The following LYAR variants were observed in gnomAD, a reference collection of about 807,000 sequenced individuals.
The protein encoded by LYAR is Ly1 antibody reactive, also known as cell growth-regulating nucleolar protein.
LYAR carries 37 observed loss-of-function variants against 45.2 expected under a neutral mutation model. That is an observed-to-expected ratio of 0.82 (90% CI 0.63 to 1.08). LYAR has a LOEUF of 1.08. Ranked by LOEUF, LYAR falls within the 50% of genes least tolerant of loss-of-function variation. LYAR has a pLI of 0.00. For missense variants in LYAR, 493 were observed against 451.0 expected, an observed-to-expected ratio of 1.09 and a Z score of -0.84; for synonymous variants, 176 against 155.1, an observed-to-expected ratio of 1.14 and a Z score of -1.00.
intron 2 of LYAR, among the ~76,000 whole-genome samples, chr4:4,284,322 A>G (rs1719522388): frequency 6.6e-6 from 1 of 152,248 alleles, no homozygotes; most frequent in Non-Finnish European, 1.5e-5. Context: ...TACTAAGAAC[A>G]CAGCAAGAGG....
intron 8 of LYAR, 181 bp from the exon 9 acceptor site, chr4:4,268,796 C>A (rs1048902750): frequency 7.4e-6 from 4 of 537,558 alleles, no homozygotes; most frequent in East Asian, 3.1e-5. Flanking sequence ...CACTACCCTT[C>A]AAAGGACTGG....
At chr4:4,269,411 C>A (rs115137410) in intron 8 of LYAR, among the ~76,000 whole-genome samples, 1 of 152,154 alleles carries the variant, frequency 6.6e-6, no homozygotes, top group African/African-American at 2.4e-5. Flanking sequence ...AGCCGAGTGG[C>A]GAGCCTGAGT....
At chr4:4,273,801 G>A (rs1384156167) in intron 7 of LYAR, 132 bp from the exon 8 acceptor site, 12 of 596,678 alleles carry the variant, frequency 2.0e-5, no homozygotes, top group Admixed American at 2.9e-5. Context: ...GCCCAGCCCC[G>A]GTTTATAAAA....
At chr4:4,268,380 G>A (rs1718795344) in intron 9 of LYAR, 150 bp downstream of exon 9, 1 of 617,486 alleles carries the variant, frequency 1.6e-6, no homozygotes, top group Non-Finnish European at 2.8e-6. Context: ...GGCTGAGGCT[G>A]TGTGGGGCTT....
At chr4:4,286,448 G>A (rs1340938105) in intron 2 of LYAR, 71 bp downstream of exon 2, 5 of 151,984 alleles carry the variant, frequency 3.3e-5, no homozygotes, top group Middle Eastern at 3.2e-3. Context: ...GCCGTCAGGT[G>A]GAAATTCAGT....
intron 8 of LYAR, among the ~76,000 whole-genome samples, chr4:4,272,360 A>G (rs1193748148): frequency 6.6e-6 from 1 of 152,184 alleles, no homozygotes; most frequent in African/African-American, 2.4e-5. Context: ...GTCCCCCTTG[A>G]TCTGCAGGGG....
In LYAR at chr4:4,268,594, G is replaced by A. The variant is rs1718804714; in HGVS notation, c.941C>T (p.Thr314Ile). ...GGCCTGTTTCAGAATTGCTTTAATAGTTCCCTTCCAGTTGAATTTACCTAC... is the reference window on the plus strand; with the variant it reads ...GGCCTGTTTCAGAATTGCTTTAATAATTCCCTTCCAGTTGAATTTACCTAC... Reference protein sequence around the residue: ...PAKGKFNWKGTIKAILKQAPD... With the variant: ...PAKGKFNWKGIIKAILKQAPD... The change falls in exon 9 of 10, where the codon ACT (threonine) becomes ATT (isoleucine). Residue 314 changes from threonine to isoleucine, a missense_variant. Transcript: ENST00000343470. The A allele has an allele frequency of 6.2e-7, 1 of 1,607,078 alleles. No homozygotes were observed. The highest frequency in any genetic ancestry group is 8.5e-7 in the Non-Finnish European group (1 of 1,175,152).
At chr4:4,272,693 T>C (rs555799738) in intron 8 of LYAR, among the ~76,000 whole-genome samples, 1 of 152,176 alleles carries the variant, frequency 6.6e-6, no homozygotes, top group Non-Finnish European at 1.5e-5. Context: ...GGAAAACTTA[T>C]CAATTGTTTA....
At chr4:4,274,249 A>C (rs11723469) in intron 7 of LYAR, 118 bp downstream of exon 7, 642,759 of 1,182,148 alleles carry the variant, frequency 0.54, 178,144 homozygotes, top group South Asian at 0.64. Context: ...AAAAAACAAA[A>C]AAAAAAAAAA....
rs1338110093 is a variant in LYAR, at chr4:4,274,827, G to A, written c.430-58C>T. On this transcript the variant is annotated intron_variant, in intron 6 of 9. Transcript: ENST00000343470. ...TCATTTTAAATGTGTAAATAGAGTT[G>A]TCACGTTATTGCCTGGGCCTACTAC... is the stretch of plus-strand genomic sequence containing the variant. 5 of 1,488,238 alleles carry A rather than the reference G, an allele frequency of 3.4e-6. No individual in the cohort carries two copies. The African/African-American group carries it at 5.6e-5, about 17-fold the overall frequency. 92.2% of individuals were successfully genotyped at this position (1,488,238 alleles called of 1,614,324 possible). A position where few individuals can be genotyped will look rare whatever the true frequency, so the allele number is the denominator to read the frequency against.
At chr4:4,272,308 A>G (rs987529229) in intron 8 of LYAR, among the ~76,000 whole-genome samples, 2 of 152,226 alleles carry the variant, frequency 1.3e-5, no homozygotes, top group Non-Finnish European at 2.9e-5. Context: ...GGATCTCAAA[A>G]CAAAAAATGT....
intron 7 of LYAR, 70 bp downstream of exon 7, chr4:4,274,297 G>A (rs1210390592): frequency 1.3e-6 from 2 of 1,524,978 alleles, no homozygotes; most frequent in Non-Finnish European, 8.9e-7. Context: ...GGTCTAACAG[G>A]CTTAAATATC....
intron 2 of LYAR, among the ~76,000 whole-genome samples, chr4:4,285,785 C>G (rs752298086): frequency 1.3e-5 from 2 of 152,074 alleles, no homozygotes; most frequent in Non-Finnish European, 2.9e-5. Context: ...AAGGTTTCGA[C>G]AAGGCTTAAG....
At chr4:4,287,909 G>A (rs940625629) in intron 1 of LYAR, among the ~76,000 whole-genome samples, 14 of 152,290 alleles carry the variant, frequency 9.2e-5, no homozygotes, top group African/African-American at 3.4e-4. Flanking sequence ...AGGCTGTCAG[G>A]GTCTGGACAG....
At chr4:4,279,832 C>T (rs1719330101) in intron 4 of LYAR, 83 bp from the exon 5 acceptor site, 2 of 879,426 alleles carry the variant, frequency 2.3e-6, no homozygotes, top group African/African-American at 1.7e-5. Context: ...AAGTCCTTGC[C>T]ATGGCTAAAG....
chr4:4,271,417 TG>T (rs1182433154), intron 8 of LYAR, among the ~76,000 whole-genome samples: 1 of 152,248 alleles, frequency 6.6e-6, no homozygotes, highest in Non-Finnish European at 1.5e-5. Context: ...ATTCATCTGC[TG>T]CTGGACACAT....
intron 7 of LYAR, 40 bp from the exon 8 acceptor site, chr4:4,273,709 A>C: frequency 8.0e-7 from 1 of 1,252,236 alleles, no homozygotes; most frequent in South Asian, 1.2e-5. Flanking sequence ...AAGATTTTGC[A>C]TTTACGCTAG....
chr4:4,274,893 G>C lies in LYAR; in HGVS notation c.430-124C>G, dbSNP rs1010324926. 6.8e-6 allele frequency: 6 copies of C among 883,844 alleles called. No homozygotes were observed. The East Asian group carries it at 1.5e-4, about 22-fold the overall frequency. The allele number at this position is 883,844 out of a possible 1,614,324, so 54.8% of individuals were successfully genotyped here. ...AAAACGGTTGGTTTAATCCCTTATC[G>C]TTTTATAACTGTGACCCCCACCAAC... On this transcript the variant is annotated intron_variant, in intron 6 of 9. Coordinates refer to ENST00000343470, the MANE Select transcript of LYAR (RefSeq NM_017816.3).
chr4:4,269,820 A>G (rs1048436819), intron 8 of LYAR, among the ~76,000 whole-genome samples: 9 of 152,248 alleles, frequency 5.9e-5, no homozygotes, highest in African/African-American at 1.7e-4. Flanking sequence ...CTGTGAGGAT[A>G]TATCTTAAGT....
Sources: allele counts gnomAD v4.1 joint callset (sites outside exome capture counted in the v4.1 genomes callset), GRCh38; gene constraint gnomAD v4.1.1; transcripts MANE v1.5; gene names NCBI Gene and HGNC (gene_info 2026-07-23, HGNC 2026-07-21).